The following LIN54 variants were observed in gnomAD, a reference collection of about 807,000 sequenced individuals.
The protein encoded by LIN54 is lin-54 DREAM MuvB core complex component, also known as protein lin-54 homolog.
LIN54 carries 9 observed loss-of-function variants against 78.7 expected under a neutral mutation model. That is an observed-to-expected ratio of 0.11 (90% confidence interval 0.07 to 0.20). The LOEUF (loss-of-function observed/expected upper bound fraction) is 0.20, where lower values mean the gene tolerates loss of function less well. LIN54 is among the 10% of genes least tolerant of loss of function. The pLI, the probability that LIN54 is intolerant of heterozygous loss-of-function variation, is 1.00. For synonymous variants in LIN54, 269 were observed against 318.4 expected (o/e 0.84, Z 1.65); for missense variants, 573 against 889.9 (o/e 0.64, Z 4.53).
intron 4 of LIN54, among the ~76,000 whole-genome samples, chr4:82,968,533 G>A (rs181999818): frequency 6.6e-6 from 1 of 150,752 alleles, no homozygotes; most frequent in East Asian, 1.9e-4. Context: ...TTCCTCTTTA[G>A]CCCCTGAGCT....
chr4:82,935,700 T>A (rs929733132), intron 11 of LIN54, among the ~76,000 whole-genome samples: 4 of 152,170 alleles, frequency 2.6e-5, no homozygotes, highest in African/African-American at 9.7e-5. Flanking sequence ...AAAATCAATA[T>A]ATTGGTGTTC....
At chr4:82,949,716 A>G (rs1218230098) in intron 4 of LIN54, among the ~76,000 whole-genome samples, 1 of 152,000 alleles carries the variant, frequency 6.6e-6, no homozygotes. Flanking sequence ...TATAAATTGT[A>G]GATTTTAACC....
chr4:82,992,719 T>G (rs1248508643), intron 1 of LIN54, among the ~76,000 whole-genome samples: 1 of 150,920 alleles, frequency 6.6e-6, no homozygotes, highest in Non-Finnish European at 1.5e-5. Flanking sequence ...GATGCCTGGC[T>G]TTTGTTTTGT....
chr4:82,996,126 A>G (rs1728199057), intron 1 of LIN54, among the ~76,000 whole-genome samples: 1 of 152,014 alleles, frequency 6.6e-6, no homozygotes, highest in Admixed American at 6.6e-5. Context: ...CTCAAAAAAA[A>G]AGAGAAAGTT....
At chr4:82,936,241 G>A in intron 10 of LIN54, 38 bp downstream of exon 10, 1 of 1,509,550 alleles carries the variant, frequency 6.6e-7, no homozygotes, top group East Asian at 2.3e-5. Context: ...GATGAAACTG[G>A]ATATTTCTGT....
chr4:82,936,873 A>G (rs1352276388), intron 9 of LIN54, among the ~76,000 whole-genome samples: 1 of 152,202 alleles, frequency 6.6e-6, no homozygotes, highest in East Asian at 1.9e-4. Context: ...CAAATTAACC[A>G]TTCAGTGACT....
At chr4:82,940,420 ACT>A (rs1722753307) in intron 5 of LIN54, among the ~76,000 whole-genome samples, 1 of 151,946 alleles carries the variant, frequency 6.6e-6, no homozygotes, top group African/African-American at 2.4e-5. Flanking sequence ...ACGGAGACTC[ACT>A]CTGTCTGTCA....
chr4:83,011,337 G>A (rs1403895766), upstream of LIN54, among the ~76,000 whole-genome samples: 1 of 152,102 alleles, frequency 6.6e-6, no homozygotes, highest in Non-Finnish European at 1.5e-5. Flanking sequence ...CAGATGAAGT[G>A]GTCAAAATAT....
At chr4:82,929,034 T>G (rs1721721751) in intron 12 of LIN54, among the ~76,000 whole-genome samples, 1 of 152,180 alleles carries the variant, frequency 6.6e-6, no homozygotes, top group South Asian at 2.1e-4. Flanking sequence ...CTCAACAACC[T>G]GTGAGTAAGC....
intron 4 of LIN54, among the ~76,000 whole-genome samples, chr4:82,954,982 A>C (rs986092300): frequency 1.3e-5 from 2 of 152,164 alleles, no homozygotes; most frequent in Non-Finnish European, 2.9e-5. Context: ...TGAAAGAAAA[A>C]ACTGGTAAGT....
At position 83,010,522 on chromosome 4, in the gene LIN54, G is replaced by A; in HGVS notation, c.-71C>T. The A allele has an allele frequency of 1.7e-6, 2 of 1,174,642 alleles. No individual in the cohort carries two copies. The highest frequency in any genetic ancestry group is 2.1e-6 in the Non-Finnish European group (2 of 952,156). The allele number at this position is 1,174,642 out of a possible 1,614,324, so 72.8% of individuals were successfully genotyped here. Reference sequence around the variant, plus strand: ...CGCTTTCTCCTCCCTCGGGCTCCGAGGTAGGGGCTCCAGAAGGTCCTGGGC... The same window carrying A: ...CGCTTTCTCCTCCCTCGGGCTCCGAAGTAGGGGCTCCAGAAGGTCCTGGGC... On this transcript the variant is annotated 5_prime_UTR_variant, in exon 1 of 13. Transcript: ENST00000340417.
At chr4:82,928,499 G>T (rs1162307460) in intron 12 of LIN54, among the ~76,000 whole-genome samples, 196 bp from the exon 13 acceptor site, 2 of 152,168 alleles carry the variant, frequency 1.3e-5, no homozygotes, top group Non-Finnish European at 1.5e-5. Context: ...TTCACATATT[G>T]TAAGAATATT....
At chr4:82,976,694 C>T (rs924380791) in intron 3 of LIN54, among the ~76,000 whole-genome samples, 7 of 151,892 alleles carry the variant, frequency 4.6e-5, no homozygotes, top group Non-Finnish European at 5.9e-5. Context: ...GGTGACAGGG[C>T]GAGACTCCGT....
intron 4 of LIN54, among the ~76,000 whole-genome samples, chr4:82,969,104 C>T (rs1034384117): frequency 6.6e-6 from 1 of 152,200 alleles, no homozygotes; most frequent in African/African-American, 2.4e-5. Context: ...GCACCCTCGG[C>T]TCTCACACTG....
chr4:82,948,304 A>G (rs1237712412), intron 4 of LIN54, among the ~76,000 whole-genome samples: 1 of 152,220 alleles, frequency 6.6e-6, no homozygotes, highest in African/African-American at 2.4e-5. Context: ...AAAATTCTAT[A>G]GAAGATTATC....
At chr4:82,991,910 G>A (rs1011526430) in intron 1 of LIN54, among the ~76,000 whole-genome samples, 1 of 152,054 alleles carries the variant, frequency 6.6e-6, no homozygotes, top group Non-Finnish European at 1.5e-5. Context: ...TTATGTTAAT[G>A]AGGGATATTG....
At chr4:82,993,575 G>A (rs1011015049) in intron 1 of LIN54, among the ~76,000 whole-genome samples, 2 of 151,666 alleles carry the variant, frequency 1.3e-5, no homozygotes, top group African/African-American at 4.8e-5. Flanking sequence ...TGATGCCCAT[G>A]GTCTTTATAT....
At chr4:82,944,385 C>T (rs1480600710) in intron 5 of LIN54, among the ~76,000 whole-genome samples, 2 of 152,138 alleles carry the variant, frequency 1.3e-5, no homozygotes, top group South Asian at 2.1e-4. Flanking sequence ...CATCATCACA[C>T]TACCTAAGTA....
chr4:82,932,657 TA>T lies in LIN54; in HGVS notation c.1846-1513del, dbSNP rs780756470. ...AACATGGAGAAACCCCATCTCTCTT[TA>T]AAAAAAAAAAAAAAAAATTAGCCAG... On this transcript the variant is annotated intron_variant, in intron 11 of 12. Transcript: ENST00000340417. 4.2e-3 allele frequency among the ~76,000 whole-genome samples: 553 copies of T among 132,680 alleles called. 3 individuals carry two copies. Among genetic ancestry groups the T allele is most frequent in the East Asian group, 8.0e-3 (37 of 4,606 alleles). 87.0% of individuals were successfully genotyped at this position (132,680 alleles called of 152,430 possible). A position where few individuals can be genotyped will look rare whatever the true frequency, so the allele number is the denominator to read the frequency against.
Sources: allele counts gnomAD v4.1 joint callset (sites outside exome capture counted in the v4.1 genomes callset), GRCh38; gene constraint gnomAD v4.1.1; transcripts MANE v1.5; gene names NCBI Gene and HGNC (gene_info 2026-07-23, HGNC 2026-07-21).